Variants in L3MBTL3 observed in about 807,000 individuals in gnomAD.
L3MBTL3 encodes lethal(3)malignant brain tumor-like protein 3.
L3MBTL3 carries 27 observed loss-of-function variants against 102.3 expected under a neutral mutation model. The ratio of observed to expected loss-of-function variants is 0.26; its 90% CI spans 0.19 to 0.36. The LOEUF (loss-of-function observed/expected upper bound fraction) is 0.36. Ranked by LOEUF, L3MBTL3 falls within the 10% of genes least tolerant of loss-of-function variation. The pLI is 1.00. For synonymous variants in L3MBTL3, 340 were observed against 320.9 expected, an observed-to-expected ratio of 1.06 and a Z score of -0.64; for missense variants, 798 against 955.3, an observed-to-expected ratio of 0.84 and a Z score of 2.17.
chr6:130,035,574 G>C (rs927935915), intron 2 of L3MBTL3, among the ~76,000 whole-genome samples: 1 of 152,230 alleles, frequency 6.6e-6, no homozygotes, highest in African/African-American at 2.4e-5. Flanking sequence ...CAATACTTTT[G>C]CACTAGTGCC....
At chr6:130,037,801 C>A (rs1286345273) in intron 2 of L3MBTL3, among the ~76,000 whole-genome samples, 1 of 152,092 alleles carries the variant, frequency 6.6e-6, no homozygotes, top group East Asian at 1.9e-4. Flanking sequence ...ATCCAATCGT[C>A]TGACTCTTCT....
intron 15 of L3MBTL3, among the ~76,000 whole-genome samples, chr6:130,085,672 T>A (rs1049401994): frequency 2.0e-5 from 3 of 152,214 alleles, no homozygotes; most frequent in Admixed American, 6.5e-5. Flanking sequence ...TTTCTTTATT[T>A]AAAAAATGAC....
chr6:130,064,572 G>T (rs1212363612), intron 10 of L3MBTL3, among the ~76,000 whole-genome samples: 1 of 152,140 alleles, frequency 6.6e-6, no homozygotes, highest in Non-Finnish European at 1.5e-5. Flanking sequence ...TGGGTGGTTA[G>T]CATGGGGGAA....
At chr6:130,081,084 A>G (rs929855942) in intron 14 of L3MBTL3, among the ~76,000 whole-genome samples, 1 of 152,242 alleles carries the variant, frequency 6.6e-6, no homozygotes, top group Non-Finnish European at 1.5e-5. Flanking sequence ...CGTTCTTTCT[A>G]AACACGCAGC....
chr6:130,111,690 C>T (rs1028292260), intron 19 of L3MBTL3, among the ~76,000 whole-genome samples: 3 of 152,170 alleles, frequency 2.0e-5, no homozygotes, highest in South Asian at 2.1e-4. Context: ...CCATGGGCAG[C>T]TAATGTTCCA....
At chr6:130,024,275 G>A (rs1047023895) in intron 2 of L3MBTL3, among the ~76,000 whole-genome samples, 3 of 152,170 alleles carry the variant, frequency 2.0e-5, no homozygotes, top group South Asian at 2.1e-4. Context: ...CTCTTTGGCT[G>A]CAATCTAATT....
chr6:130,092,994 T>C (rs535653547), intron 17 of L3MBTL3, 135 bp downstream of exon 17: 1 of 509,384 alleles, frequency 2.0e-6, no homozygotes, highest in East Asian at 3.2e-5. Flanking sequence ...TTCCTTTTAC[T>C]ACATTTTAAT....
intron 9 of L3MBTL3, among the ~76,000 whole-genome samples, chr6:130,058,418 A>C (rs1054376630): frequency 6.6e-6 from 1 of 151,730 alleles, no homozygotes; most frequent in Non-Finnish European, 1.5e-5. Context: ...CAGTAGGATC[A>C]CTTGAGGCCA....
chr6:130,102,583 A>G (rs1784755796), intron 18 of L3MBTL3, among the ~76,000 whole-genome samples: 1 of 152,174 alleles, frequency 6.6e-6, no homozygotes, highest in African/African-American at 2.4e-5. Context: ...TAGGCTCTAC[A>G]TGATATTTGC....
chr6:130,087,547 C>G (rs976665512), intron 16 of L3MBTL3, among the ~76,000 whole-genome samples: 1 of 152,106 alleles, frequency 6.6e-6, no homozygotes, highest in African/African-American at 2.4e-5. Context: ...TGTAAAATGT[C>G]TCAGCCTTTC....
chr6:130,034,498 G>C (rs901832670), intron 2 of L3MBTL3, among the ~76,000 whole-genome samples: 1 of 151,892 alleles, frequency 6.6e-6, no homozygotes, highest in Non-Finnish European at 1.5e-5. Flanking sequence ...AGTTTTGTTC[G>C]CACAATGTGT....
At chr6:130,114,064 C>A (rs1228523747) in intron 19 of L3MBTL3, among the ~76,000 whole-genome samples, 1 of 152,128 alleles carries the variant, frequency 6.6e-6, no homozygotes, top group African/African-American at 2.4e-5. Context: ...TATTGTAAAA[C>A]CTCTTCTCCC....
At chr6:130,084,736 A>G (rs1562296967) in intron 15 of L3MBTL3, among the ~76,000 whole-genome samples, 2 of 152,220 alleles carry the variant, frequency 1.3e-5, no homozygotes, top group African/African-American at 4.8e-5. Flanking sequence ...TACTGTCACA[A>G]CAGAGAGAAA....
chr6:130,122,963 T>A (rs1786341902), intron 20 of L3MBTL3, among the ~76,000 whole-genome samples: 1 of 152,232 alleles, frequency 6.6e-6, no homozygotes, highest in South Asian at 2.1e-4. Context: ...AATAAGTGTC[T>A]ATTGTATGGA....
chr6:130,112,824 T>C (rs1373907234), intron 19 of L3MBTL3, among the ~76,000 whole-genome samples: 5 of 152,148 alleles, frequency 3.3e-5, no homozygotes, highest in Non-Finnish European at 7.3e-5. Flanking sequence ...TAGATAGAAA[T>C]GTGAGTACGT....
rs1299118697 is a variant in L3MBTL3, at chr6:130,052,907, T to G, written c.498T>G (p.Asp166Glu). ...RDVEEDNEEE[D>E]PKCSRKKKPK... ...TAGAAGAAGACAATGAGGAAGAAGA[T>G]CCTAAGTGTAGTCGGAAGAAAAAAC... Residue 166 changes from aspartate (D) to glutamate (E), a missense_variant, in exon 7 of 23, where the codon GAT becomes GAG. By Grantham distance (45) the Asp-to-Glu change is conservative (BLOSUM62 2). This residue lies in a region of L3MBTL3 where 434 missense variants were observed against 506.6 expected (regional missense o/e 0.86). Transcript: ENST00000361794. 1 of 1,613,942 alleles carries G rather than the reference T, an allele frequency of 6.2e-7. No individual in the cohort carries two copies.
At chr6:130,102,063 C>G (rs961087288) in intron 18 of L3MBTL3, among the ~76,000 whole-genome samples, 2 of 151,950 alleles carry the variant, frequency 1.3e-5, no homozygotes, top group Non-Finnish European at 2.9e-5. Flanking sequence ...TGATATTACC[C>G]CCAAATCATC....
At chr6:130,094,870 A>G (rs1158171005) in intron 18 of L3MBTL3, among the ~76,000 whole-genome samples, 1 of 152,090 alleles carries the variant, frequency 6.6e-6, no homozygotes, top group African/African-American at 2.4e-5. Flanking sequence ...AGTAACTTTA[A>G]AAAAAAACCA....
intron 13 of L3MBTL3, among the ~76,000 whole-genome samples, chr6:130,073,668 A>G (rs1332418128): frequency 6.6e-6 from 1 of 152,124 alleles, no homozygotes; most frequent in African/African-American, 2.4e-5. Context: ...GTAAGGGGAG[A>G]GTCTAGAAGA....
Sources: allele counts gnomAD v4.1 joint callset (sites outside exome capture counted in the v4.1 genomes callset), GRCh38; gene constraint gnomAD v4.1.1; regional missense constraint gnomAD v4.1.1; transcripts MANE v1.5; gene names NCBI Gene and HGNC (gene_info 2026-07-23, HGNC 2026-07-21).